HECTD4: variants seen among roughly 807,000 people sequenced by gnomAD.
HECTD4 encodes the protein HECT domain E3 ubiquitin protein ligase 4.
A neutral mutation model predicts 471.5 loss-of-function variants in HECTD4; 114 were observed. That is an observed-to-expected ratio of 0.24 (90% CI 0.21 to 0.28). HECTD4 has a LOEUF of 0.28. Ranked by LOEUF, HECTD4 falls within the 10% of genes least tolerant of loss-of-function variation. HECTD4 has a pLI of 1.00. For missense variants in HECTD4, 3,866 were observed against 5,651.5 expected (o/e 0.68, Z 10.13); for synonymous variants, 2,012 against 2,256.0 (o/e 0.89, Z 3.07).
In HECTD4 at chr12:112,162,654, G is replaced by A; in HGVS notation, c.13121-131C>T. ...AAGCCAATCCTGGGGCCCAGCAGGA[G>A]GGGGATGAGGGCCTGGGAACCTGCG... On this transcript the variant is annotated intron_variant, in intron 75 of 75. Transcript: ENST00000682272. The surrounding 1 kb of genome is among the most constrained non-coding windows in gnomAD (Gnocchi z 5.2). 1.9e-6 allele frequency: 2 copies of A among 1,041,790 alleles called. No individual in the cohort carries two copies. Among genetic ancestry groups the A allele is most frequent in the Non-Finnish European group, 1.4e-6 (1 of 712,978 alleles). The allele number at this position is 1,041,790 out of a possible 1,614,324, so 64.5% of individuals were successfully genotyped here.
intron 6 of HECTD4, among the ~76,000 whole-genome samples, chr12:112,306,541 ATGTG>A (rs2035274401): frequency 6.6e-6 from 1 of 152,250 alleles, no homozygotes; most frequent in African/African-American, 2.4e-5. Flanking sequence ...TGTTATGCAT[ATGTG>A]TTGTATCTAA....
chr12:112,224,653 C>A (rs902897201), intron 44 of HECTD4, among the ~76,000 whole-genome samples: 1 of 152,206 alleles, frequency 6.6e-6, no homozygotes, highest in Non-Finnish European at 1.5e-5. Context: ...TAGTAATTAA[C>A]AAGCACTTCC....
chr12:112,169,678 G>T lies in HECTD4; in HGVS notation c.12053-20C>A. The T allele has an allele frequency of 6.2e-7, 1 of 1,611,980 alleles. No homozygotes were observed. Among genetic ancestry groups the T allele is most frequent in the South Asian group, 1.1e-5 (1 of 91,070 alleles). ...TTTCCCCTGGAAAGTGAGATGAGCT[G>T]ATCAAAGCACCCCGCCGTGGCCGCC... On this transcript the variant is annotated intron_variant, in intron 69 of 75. Coordinates refer to ENST00000682272, the MANE Select transcript of HECTD4 (RefSeq NM_001388303.1).
chr12:112,286,514 A>AAC (rs375938861), intron 7 of HECTD4, among the ~76,000 whole-genome samples: 46 of 151,574 alleles, frequency 3.0e-4, no homozygotes, highest in Admixed American at 6.6e-4. Context: ...ACCTGTCTCA[A>AAC]ACACACACAC....
intron 52 of HECTD4, among the ~76,000 whole-genome samples, chr12:112,205,345 A>G (rs1593927713): frequency 6.6e-6 from 1 of 152,006 alleles, no homozygotes; most frequent in South Asian, 2.1e-4. Context: ...GAGGCAGGAG[A>G]ACTGTTTGAA....
At chr12:112,165,853 C>T (rs890827820) in intron 72 of HECTD4, among the ~76,000 whole-genome samples, 2 of 152,194 alleles carry the variant, frequency 1.3e-5, no homozygotes, top group African/African-American at 4.8e-5. Context: ...ACGACAGGGT[C>T]GGACCCAAAG....
intron 17 of HECTD4, among the ~76,000 whole-genome samples, chr12:112,262,627 A>ATTTTAT (rs1247316166): frequency 9.3e-6 from 1 of 107,602 alleles, no homozygotes; most frequent in Non-Finnish European, 1.7e-5. Context: ...TTATTATTAT[A>ATTTTAT]TTTTTTGAAA....
At chr12:112,297,516 A>G (rs1328523873) in intron 7 of HECTD4, among the ~76,000 whole-genome samples, 1 of 152,008 alleles carries the variant, frequency 6.6e-6, no homozygotes, top group Non-Finnish European at 1.5e-5. Context: ...TAGAGCAGAC[A>G]GTATTTGCTG....
Position 112,264,121 on chromosome 12 carries a change from C to T in HECTD4, c.2711G>A (p.Ser904Asn). ...TGTCTCTCCCTGCAAGGAGCTGTCA[C>T]TGTCATCATTCTCATCAGGTTTAAT... ...ILIKPDENDD[S>N]DSSLQGETLK... Residue 904 changes from serine (S) to asparagine (N), a missense_variant, in exon 17 of 76, where the codon AGT becomes AAT. By Grantham distance (46) the Ser-to-Asn change is conservative. Around this residue, in one of 16 missense-constraint regions of HECTD4, gnomAD observed 525 missense variants for 672.6 expected, o/e 0.78. Transcript: ENST00000682272. 6.8e-6 allele frequency: 11 copies of T among 1,609,998 alleles called. No individual in the cohort carries two copies. Among genetic ancestry groups the T allele is most frequent in the Non-Finnish European group, 9.3e-6 (11 of 1,178,154 alleles).
At chr12:112,225,811 A>C (rs1049064845) in intron 44 of HECTD4, among the ~76,000 whole-genome samples, 1 of 152,144 alleles carries the variant, frequency 6.6e-6, no homozygotes, top group Non-Finnish European at 1.5e-5. Flanking sequence ...ACATATTTTT[A>C]GAGACAGGGT....
At chr12:112,300,065 C>G (rs532954362) in intron 7 of HECTD4, among the ~76,000 whole-genome samples, 1 of 152,254 alleles carries the variant, frequency 6.6e-6, no homozygotes, top group East Asian at 1.9e-4. Context: ...CCTACAAGTC[C>G]AGCACTTTGG....
chr12:112,327,042 G>T (rs1370794031), intron 1 of HECTD4, among the ~76,000 whole-genome samples: 1 of 152,166 alleles, frequency 6.6e-6, no homozygotes, highest in African/African-American at 2.4e-5. Flanking sequence ...AAAGGGAAGT[G>T]TTGGGCCAGG....
rs184447702 is a variant in HECTD4 at position 112,162,197 on chromosome 12, C to G, written c.*190G>C. On this transcript the variant is annotated 3_prime_UTR_variant, in exon 76 of 76. Transcript: ENST00000682272. This position sits in a 1 kb window ranked among gnomAD's most constrained non-coding sequence, Gnocchi z 5.2. ...CACAAACAGGCAGCAAAAGAACCAA[C>G]CCATCACGAAACGTACAAAGACAAA... 1,125 of 595,934 alleles carry G rather than the reference C, an allele frequency of 1.9e-3. 10 individuals carry two copies. Among genetic ancestry groups the G allele is most frequent in the Non-Finnish European group, 1.3e-3 (438 of 340,456 alleles). The allele number at this position is 595,934 out of a possible 1,614,324, so 36.9% of individuals were successfully genotyped here.
chr12:112,295,139 A>G (rs79523070), intron 7 of HECTD4, among the ~76,000 whole-genome samples: 1 of 108,282 alleles, frequency 9.2e-6, no homozygotes, highest in Non-Finnish European at 1.6e-5. Flanking sequence ...ATCCCGTCTG[A>G]AAAAAAAAAA....
intron 8 of HECTD4, 26 bp from the exon 9 acceptor site, chr12:112,279,412 A>C: frequency 6.4e-7 from 1 of 1,566,518 alleles, no homozygotes; most frequent in South Asian, 1.2e-5. Context: ...AAAATGCTAA[A>C]TCAAAATATT....
chr12:112,187,203 T>C (rs1287164848), intron 60 of HECTD4, among the ~76,000 whole-genome samples: 1 of 152,028 alleles, frequency 6.6e-6, no homozygotes, highest in East Asian at 1.9e-4. Context: ...GGTCTCGAAC[T>C]CCCGACCTCA....
At chr12:112,379,417 G>A (rs1300508529) in intron 1 of HECTD4, among the ~76,000 whole-genome samples, 1 of 152,166 alleles carries the variant, frequency 6.6e-6, no homozygotes, top group Non-Finnish European at 1.5e-5. Flanking sequence ...ATATGTGCTG[G>A]GCATGGTGGC....
At chr12:112,165,995 C>T (rs542994973) in intron 72 of HECTD4, among the ~76,000 whole-genome samples, 23 of 152,328 alleles carry the variant, frequency 1.5e-4, no homozygotes, top group African/African-American at 5.5e-4. Flanking sequence ...AGCACTTCTT[C>T]CTAGTATGCA....
At chr12:112,269,628 G>T in intron 13 of HECTD4, 76 bp downstream of exon 13, 1 of 1,494,300 alleles carries the variant, frequency 6.7e-7, no homozygotes, top group Non-Finnish European at 9.2e-7. Flanking sequence ...TATACTACCA[G>T]CTTTCAGGGA....
Sources: allele counts gnomAD v4.1 joint callset (sites outside exome capture counted in the v4.1 genomes callset), GRCh38; gene constraint gnomAD v4.1.1; regional missense constraint gnomAD v4.1.1; non-coding constraint Gnocchi (gnomAD v3.1); transcripts MANE v1.5; gene names NCBI Gene and HGNC (gene_info 2026-07-23, HGNC 2026-07-21).